INTS12: variants seen among roughly 807,000 people sequenced by gnomAD.
The protein encoded by INTS12 is PHD finger protein 22.
Under a neutral mutation model 41.6 loss-of-function variants are expected in INTS12, and 13 were observed. The ratio of observed to expected loss-of-function variants is 0.31; its 90% CI spans 0.20 to 0.50. The LOEUF is 0.50. INTS12 is among the 20% of genes least tolerant of loss of function. INTS12 has a pLI of 0.98. For synonymous variants in INTS12, 199 were observed against 191.4 expected, an observed-to-expected ratio of 1.04 and a Z score of -0.33; for missense variants, 432 against 541.6, an observed-to-expected ratio of 0.80 and a Z score of 2.01.
At chr4:105,707,462 G>C (rs1184571258) in intron 1 of INTS12, among the ~76,000 whole-genome samples, 3 of 152,000 alleles carry the variant, frequency 2.0e-5, no homozygotes, top group Non-Finnish European at 4.4e-5. Context: ...CTGGAATTAA[G>C]TGATCAAAGT....
At chr4:105,708,389 G>C in intron 1 of INTS12, 1 of 985,422 alleles carries the variant, frequency 1.0e-6, no homozygotes, top group African/African-American at 1.7e-5. Context: ...AGGATTCCAA[G>C]TCCCTTGTCC....
chr4:105,705,946 G>T (rs1732247224), intron 1 of INTS12: 1 of 152,202 alleles, frequency 6.6e-6, no homozygotes, highest in Non-Finnish European at 1.5e-5. Context: ...GTCTGGCAGA[G>T]TTCCTGGAAA....
intron 3 of INTS12, among the ~76,000 whole-genome samples, chr4:105,697,566 C>T (rs376873641): frequency 6.6e-6 from 1 of 151,998 alleles, no homozygotes; most frequent in Non-Finnish European, 1.5e-5. Context: ...TAGAACACAG[C>T]CACACCCATT....
At chr4:105,685,660 AT>A (rs575873516) in intron 7 of INTS12, among the ~76,000 whole-genome samples, 6,695 of 148,860 alleles carry the variant, frequency 0.045, 198 homozygotes, top group Middle Eastern at 0.13. Context: ...ATTTGAGGCT[AT>A]TTTTTTTTTA....
intron 2 of INTS12, among the ~76,000 whole-genome samples, chr4:105,702,358 G>A (rs749724179): frequency 3.3e-5 from 5 of 151,884 alleles, no homozygotes; most frequent in South Asian, 2.1e-4. Flanking sequence ...GGATGGTCTC[G>A]ATCTCCTGAC....
At chr4:105,708,023 A>G (rs906043144) in intron 1 of INTS12, 2 of 985,330 alleles carry the variant, frequency 2.0e-6, no homozygotes, top group Admixed American at 6.1e-5. Flanking sequence ...GCCATTTCAT[A>G]ATGGCTCTAA....
intron 3 of INTS12, among the ~76,000 whole-genome samples, chr4:105,696,824 G>A (rs1009747687): frequency 6.6e-6 from 1 of 152,156 alleles, no homozygotes. Context: ...ATATATGAGA[G>A]AGTTCCAGTT....
chr4:105,703,507 T>G (rs1398640976), intron 2 of INTS12, 141 bp downstream of exon 2: 2 of 152,196 alleles, frequency 1.3e-5, no homozygotes, highest in African/African-American at 4.8e-5. Context: ...CATTCTGTGG[T>G]CCACCCTTTC....
In INTS12 at chr4:105,683,155, T is replaced by C. The variant is rs34567094; in HGVS notation, c.967A>G (p.Thr323Ala). ...TTQNNTGKPA[T>A]SSANQKPVGL... ...ACAGGTTTCTGGTTAGCTGACGAAGTAGCAGGTTTCCCAGTATTGTTTTGT... is the reference window on the plus strand; with the variant it reads ...ACAGGTTTCTGGTTAGCTGACGAAGCAGCAGGTTTCCCAGTATTGTTTTGT... The change falls in exon 8 of 8, where the codon ACT becomes GCT. Residue 323 changes from threonine (T) to alanine (A), a missense_variant. By Grantham distance (58) the Thr-to-Ala change is moderately conservative. Around this residue, in one of 3 missense-constraint regions of INTS12, gnomAD observed 258 missense variants for 309.9 expected, o/e 0.83. Coordinates refer to ENST00000340139, the MANE Select transcript of INTS12 (RefSeq NM_020395.4). 25 of 1,614,018 alleles carry C rather than the reference T, an allele frequency of 1.5e-5. No homozygotes were observed. In the African/African-American group the frequency reaches 2.3e-4, roughly 15 times the overall value.
chr4:105,695,801 A>G (rs1731842033), intron 3 of INTS12, 133 bp from the exon 4 acceptor site: 2 of 694,104 alleles, frequency 2.9e-6, no homozygotes, highest in South Asian at 1.7e-5. Context: ...CCTTTCTTAA[A>G]TAGTTAAATA....
chr4:105,704,916 T>C (rs1298888425), intron 1 of INTS12, among the ~76,000 whole-genome samples: 3 of 152,200 alleles, frequency 2.0e-5, no homozygotes, highest in Non-Finnish European at 2.9e-5. Context: ...CATCATCTAT[T>C]ATCTGGCCCA....
intron 2 of INTS12, chr4:105,703,017 T>G: frequency 2.1e-6 from 2 of 974,626 alleles, no homozygotes; most frequent in South Asian, 9.6e-5. Flanking sequence ...GGTGTAACTG[T>G]GTTGATCTAC....
intron 4 of INTS12, among the ~76,000 whole-genome samples, chr4:105,695,012 C>T (rs1025913582): frequency 1.3e-5 from 2 of 151,912 alleles, no homozygotes; most frequent in Non-Finnish European, 2.9e-5. Context: ...GCAATCTCTG[C>T]CTCCTGGGCT....
At chr4:105,701,233 CT>C (rs57389075) in intron 2 of INTS12, among the ~76,000 whole-genome samples, 26,934 of 132,622 alleles carry the variant, frequency 0.2, 4,437 homozygotes, top group African/African-American at 0.47. Context: ...CATCCCTAGG[CT>C]TTTTTTTTTT....
rs552706889 is a variant in INTS12 at position 105,686,958 on chromosome 4, G to A, written c.658-120C>T. On this transcript the variant is annotated intron_variant, in intron 6 of 7. Coordinates refer to ENST00000340139, the MANE Select transcript of INTS12 (RefSeq NM_020395.4). Reference sequence around the variant, plus strand: ...ACAGTTGAACATTTTAAAAAATAGTGTGATGATAATGAATATATATGCTCT... The same window carrying A: ...ACAGTTGAACATTTTAAAAAATAGTATGATGATAATGAATATATATGCTCT... The A allele has an allele frequency of 5.2e-4, 423 of 820,642 alleles. 1 individual carries two copies. The African/African-American group carries it at 6.6e-3, about 13-fold the overall frequency. The allele number at this position is 820,642 out of a possible 1,614,324, so 50.8% of individuals were successfully genotyped here. A position where few individuals can be genotyped will look rare whatever the true frequency, so the allele number is the denominator to read the frequency against.
intron 1 of INTS12, among the ~76,000 whole-genome samples, chr4:105,704,170 T>C (rs1026983097): frequency 6.6e-6 from 1 of 152,206 alleles, no homozygotes; most frequent in African/African-American, 2.4e-5. Flanking sequence ...CAGCAATTCT[T>C]GCAATTCAGC....
Position 105,687,771 on chromosome 4 carries a change from G to A in INTS12, c.658-933C>T, listed in dbSNP as rs149713078. ...ACAGCCAGAACAGCCTGGCCCACAT[G>A]GTGAAACCCCGTCTCTACTAAAAAT... On this transcript the variant is annotated intron_variant, in intron 6 of 7. Coordinates refer to ENST00000340139, the MANE Select transcript of INTS12 (RefSeq NM_020395.4). 8.4e-3 allele frequency among the ~76,000 whole-genome samples: 1,283 copies of A among 152,248 alleles called. 19 individuals carry two copies. Among genetic ancestry groups the A allele is most frequent in the African/African-American group, 0.029 (1,212 of 41,538 alleles).
chr4:105,697,842 G>C (rs1731922998), intron 3 of INTS12, among the ~76,000 whole-genome samples: 1 of 152,146 alleles, frequency 6.6e-6, no homozygotes, highest in Non-Finnish European at 1.5e-5. Context: ...TTGAGTCCAG[G>C]AGTTTGAGAC....
At chr4:105,688,611 A>T (rs1308003876) in intron 6 of INTS12, among the ~76,000 whole-genome samples, 3 of 152,224 alleles carry the variant, frequency 2.0e-5, no homozygotes, top group African/African-American at 4.8e-5. Context: ...TTGCAAAACC[A>T]TGTTACGAGA....
Sources: allele counts gnomAD v4.1 joint callset (sites outside exome capture counted in the v4.1 genomes callset), GRCh38; gene constraint gnomAD v4.1.1; regional missense constraint gnomAD v4.1.1; transcripts MANE v1.5; gene names NCBI Gene and HGNC (gene_info 2026-07-23, HGNC 2026-07-21).